The following FTSJ1 variants were observed in gnomAD, a reference collection of about 807,000 sequenced individuals.
FTSJ1 encodes tRNA (cytidine(32)/guanosine(34)-2'-O)-methyltransferase.
A neutral mutation model predicts 28.5 loss-of-function variants in FTSJ1; 3 were observed. The observed-to-expected ratio is 0.11, with a 90% CI of 0.05 to 0.27. The LOEUF (loss-of-function observed/expected upper bound fraction) is 0.27, where lower values mean the gene tolerates loss of function less well. FTSJ1 is among the 10% of genes least tolerant of loss of function. The pLI, the probability that FTSJ1 is intolerant of heterozygous loss-of-function variation, is 1.00. For missense variants in FTSJ1, 162 were observed against 279.0 expected (o/e 0.58, Z 2.99); for synonymous variants, 104 against 113.9 (o/e 0.91, Z 0.55).
intron 3 of FTSJ1, 38 bp from the exon 4 acceptor site, chrX:48,478,579 G>A (rs1556967327): frequency 8.4e-7 from 1 of 1,191,213 alleles, no homozygotes; most frequent in Middle Eastern, 2.3e-4. Context: ...AGGGGCCCGG[G>A]AGCGAAACTA....
At chrX:48,477,470 G>C (rs2061539964) in intron 1 of FTSJ1, among the ~76,000 whole-genome samples, 1 of 111,313 alleles carries the variant, frequency 9.0e-6, no homozygotes, top group Non-Finnish European at 1.9e-5. Flanking sequence ...TGGCGAATGG[G>C]GTGAAACGAG....
Position 48,481,357 on chromosome X carries a change from A to G in FTSJ1, c.468+15A>G, listed in dbSNP as rs2061567350. 1 of 1,204,751 alleles carries G rather than the reference A, an allele frequency of 8.3e-7. No homozygotes were observed. The highest frequency in any genetic ancestry group is 1.7e-5 in the African/African-American group (1 of 57,255). The stretch of plus-strand genomic sequence containing the variant: ...TTGTGGCCAAGGTAAGTCTCAAGGA[A>G]CTTGGTGGAGTAGAGGGAGGTCGCT... On this transcript the variant is annotated intron_variant, in intron 7 of 12. Coordinates refer to ENST00000348411, the MANE Select transcript of FTSJ1 (RefSeq NM_012280.4).
At position 48,480,635 on chromosome X, in the gene FTSJ1, G is replaced by A. The variant is rs782200350; in HGVS notation, c.362-516G>A. Among the ~76,000 whole-genome samples the A allele has an allele frequency of 3.6e-5, 4 of 111,266 alleles. No individual in the cohort carries two copies. The East Asian group carries it at 1.1e-3, about 31-fold the overall frequency. The stretch of plus-strand genomic sequence containing the variant: ...GAAGCAGGGGCTCCGGGGTGGAGTA[G>A]TCCAGGCAAGTGATAATGGGTGAGG... On this transcript the variant is annotated intron_variant, in intron 5 of 12. Coordinates refer to ENST00000348411, the MANE Select transcript of FTSJ1 (RefSeq NM_012280.4).
intron 12 of FTSJ1, among the ~76,000 whole-genome samples, chrX:48,483,930 G>A (rs1333220517): frequency 2.7e-5 from 3 of 111,635 alleles, no homozygotes; most frequent in African/African-American, 9.8e-5. Context: ...AAATAGGCAT[G>A]TCCCAAAGGT....
At chrX:48,483,219 T>C in intron 12 of FTSJ1, 192 bp downstream of exon 12, 6 of 450,611 alleles carry the variant, frequency 1.3e-5, no homozygotes, top group Non-Finnish European at 1.9e-5. Flanking sequence ...TAAACATTTA[T>C]TGAGCACATA....
chrX:48,482,341 T>G, intron 9 of FTSJ1, 62 bp from the exon 10 acceptor site: 1 of 755,909 alleles, frequency 1.3e-6, no homozygotes, highest in Admixed American at 2.3e-5. Context: ...TACCGCCGCC[T>G]GTGTCATGAC....
chrX:48,482,337 C>T (rs1466383513), intron 9 of FTSJ1, 66 bp from the exon 10 acceptor site: 4 of 711,328 alleles, frequency 5.6e-6, no homozygotes, highest in African/African-American at 4.2e-5. Flanking sequence ...GCCATACCGC[C>T]GCCTGTGTCA....
In FTSJ1 at chrX:48,485,990, C is replaced by T. The variant is rs2061600305; in HGVS notation, c.*264C>T. 1 of 111,979 alleles carries T rather than the reference C, an allele frequency of 8.9e-6. No homozygotes were observed. Among genetic ancestry groups the T allele is most frequent in the Non-Finnish European group, 1.9e-5 (1 of 53,208 alleles). The allele number at this position is 111,979 out of a possible 1,213,427, so 9.2% of individuals were successfully genotyped here. A position where few individuals can be genotyped will look rare whatever the true frequency, so the allele number is the denominator to read the frequency against. The stretch of plus-strand genomic sequence containing the variant: ...TGTCCTGATTATGTCCAGAATTTTC[C>T]CTAAAGGCAGGGATTCTTAACCTGG... On this transcript the variant is annotated 3_prime_UTR_variant, in exon 13 of 13. Coordinates refer to ENST00000348411, the MANE Select transcript of FTSJ1 (RefSeq NM_012280.4).
chrX:48,476,646 C>T (rs919522388), intron 1 of FTSJ1: 42 of 156,699 alleles, frequency 2.7e-4, no homozygotes, highest in Non-Finnish European at 4.4e-4. Flanking sequence ...CCCGGTGGTC[C>T]CGATGGAGCT....
chrX:48,481,775 C>G lies in FTSJ1; in HGVS notation c.655+60C>G. The G allele has an allele frequency of 7.1e-6, 5 of 708,034 alleles. No homozygotes were observed. The South Asian group carries it at 1.1e-4, about 16-fold the overall frequency. The allele number at this position is 708,034 out of a possible 1,213,427, so 58.3% of individuals were successfully genotyped here. ...CTGCCACACCTTATGCAATCTAGGT[C>G]CCATGAGGGCCCACAGTCTCACCCC... On this transcript the variant is annotated intron_variant, in intron 9 of 12. Coordinates refer to ENST00000348411, the MANE Select transcript of FTSJ1 (RefSeq NM_012280.4).
chrX:48,479,881 C>T (rs5906674), intron 5 of FTSJ1, among the ~76,000 whole-genome samples: 2,021 of 110,849 alleles, frequency 0.018, 19 homozygotes, highest in Non-Finnish European at 0.028. Flanking sequence ...CAGTGGCTCA[C>T]GCCTGTAATC....
chrX:48,483,547 G>T (rs12013551), intron 12 of FTSJ1, among the ~76,000 whole-genome samples: 328 of 111,111 alleles, frequency 3.0e-3, no homozygotes, highest in African/African-American at 9.9e-3. Flanking sequence ...TCACTCTGTC[G>T]CCCAGGCTGG....
chrX:48,481,901 G>A lies in FTSJ1; in HGVS notation c.655+186G>A, dbSNP rs782388580. Among the ~76,000 whole-genome samples, 4 of 112,383 alleles carry A rather than the reference G, an allele frequency of 3.6e-5. No homozygotes were observed. The East Asian group carries it at 8.4e-4, about 24-fold the overall frequency. On this transcript the variant is annotated intron_variant, in intron 9 of 12. Transcript: ENST00000348411. Reference sequence around the variant, plus strand: ...CACCCCTTTATGGGTATTTTGTCCCGGGAGGAGCTTCAGCCCAGGCAGTCC... The same window carrying A: ...CACCCCTTTATGGGTATTTTGTCCCAGGAGGAGCTTCAGCCCAGGCAGTCC...
At chrX:48,485,313 C>G (rs1486786505) in intron 12 of FTSJ1, among the ~76,000 whole-genome samples, 1 of 109,840 alleles carries the variant, frequency 9.1e-6, no homozygotes, top group Non-Finnish European at 1.9e-5. Flanking sequence ...GAAATGAGTC[C>G]TAGAGTGTTG....
At chrX:48,480,745 C>T (rs1556968260) in intron 5 of FTSJ1, among the ~76,000 whole-genome samples, 1 of 110,518 alleles carries the variant, frequency 9.0e-6, no homozygotes, top group East Asian at 2.8e-4. Flanking sequence ...GGAGAGGATG[C>T]GGGGGGAGCA....
Position 48,482,639 on chromosome X carries a change from C to G in FTSJ1, c.802C>G (p.Pro268Ala). 2 of 1,202,988 alleles carry G rather than the reference C, an allele frequency of 1.7e-6. No individual in the cohort carries two copies. Among genetic ancestry groups the G allele is most frequent in the Non-Finnish European group, 2.2e-6 (2 of 890,675 alleles). The change falls in exon 11 of 13, where the codon CCC (proline) becomes GCC (alanine). Residue 268 changes from proline to alanine, a missense_variant. By Grantham distance (27) the Pro-to-Ala change is conservative. Transcript: ENST00000348411. ...SEYKYTPPTQPPISPPYQEAC... is the reference protein window; with the variant it reads ...SEYKYTPPTQAPISPPYQEAC... ...GTACAAGTACACTCCACCCACACAG[C>G]CCCCCATCTCGCCACCATACCAGGA...
chrX:48,482,623 C>T lies in FTSJ1; in HGVS notation c.786C>T (p.Tyr262=), dbSNP rs897326530. ...LDLEGGSEYK[Y]TPPTQPPISP... is the part of the protein sequence containing the mutation. Reference sequence around the variant, plus strand: ...TAGAGGGCGGCTCAGAGTACAAGTACACTCCACCCACACAGCCCCCCATCT... The same window carrying T: ...TAGAGGGCGGCTCAGAGTACAAGTATACTCCACCCACACAGCCCCCCATCT... Residue 262 remains tyrosine (Y), a synonymous_variant, in exon 11 of 13, where the codon TAC becomes TAT. Transcript: ENST00000348411. 4 of 1,202,510 alleles carry T rather than the reference C, an allele frequency of 3.3e-6. No homozygotes were observed. The highest frequency in any genetic ancestry group is 4.5e-6 in the Non-Finnish European group (4 of 890,486).
In FTSJ1 at chrX:48,478,504, G is replaced by A; in HGVS notation, c.177G>A (p.Leu59=). Residue 59 remains leucine, a synonymous_variant, in exon 3 of 13, where the codon CTG becomes CTA. Coordinates refer to ENST00000348411, the MANE Select transcript of FTSJ1 (RefSeq NM_012280.4). ...CAAPGSWSQV[L]SQKIGGQGSG... ...CCCCAGGCAGCTGGAGCCAGGTGCTGAGCCAGAAGATCGGGTAAGTGTGGG... is the reference window on the plus strand; with the variant it reads ...CCCCAGGCAGCTGGAGCCAGGTGCTAAGCCAGAAGATCGGGTAAGTGTGGG... 8.3e-7 allele frequency: 1 copy of A among 1,210,530 alleles called. No individual in the cohort carries two copies. Among genetic ancestry groups the A allele is most frequent in the East Asian group, 3.0e-5 (1 of 33,850 alleles).
intron 9 of FTSJ1, 84 bp from the exon 10 acceptor site, chrX:48,482,319 G>C: frequency 1.7e-6 from 1 of 600,597 alleles, no homozygotes; most frequent in Non-Finnish European, 2.8e-6. Context: ...TGTGGGGAGG[G>C]TTTGGCAGCC....
Sources: gnomAD v4.1 joint callset for allele counts (sites outside exome capture counted in the v4.1 genomes callset) on GRCh38, gnomAD v4.1.1 for gene constraint, MANE v1.5 for transcripts, NCBI Gene and HGNC (gene_info 2026-07-23, HGNC 2026-07-21) for gene names.